Variants in KCND2 observed in about 807,000 individuals in gnomAD.
The protein encoded by KCND2 is potassium voltage-gated channel subfamily D member 2, also known as A-type voltage-gated potassium channel KCND2.
Under a neutral mutation model 54.4 loss-of-function variants are expected in KCND2, and 16 were observed. That is an observed-to-expected ratio of 0.29 (90% CI 0.20 to 0.45). The LOEUF (loss-of-function observed/expected upper bound fraction) is 0.45, where lower values mean the gene tolerates loss of function less well. Among genes scored for constraint, KCND2 ranks in the 20% least tolerant of loss-of-function variants. KCND2 has a pLI of 1.00. For synonymous variants in KCND2, 317 were observed against 310.7 expected, an observed-to-expected ratio of 1.02 and a Z score of -0.21; for missense variants, 486 against 824.2, an observed-to-expected ratio of 0.59 and a Z score of 5.02.
At chr7:120,479,796 C>CAAAAA (rs771337674) in intron 1 of KCND2, among the ~76,000 whole-genome samples, 2 of 75,590 alleles carry the variant, frequency 2.6e-5, no homozygotes, top group Admixed American at 1.5e-4. Flanking sequence ...TACACACACA[C>CAAAAA]AAAAAAAAAA....
intron 1 of KCND2, among the ~76,000 whole-genome samples, chr7:120,658,952 A>C (rs995355848): frequency 6.6e-6 from 1 of 152,210 alleles, no homozygotes; most frequent in Admixed American, 6.5e-5. Context: ...ACTTCCTTCA[A>C]ACTTAAACAC....
intron 1 of KCND2, among the ~76,000 whole-genome samples, chr7:120,608,731 A>G (rs939008714): frequency 6.6e-6 from 1 of 152,142 alleles, no homozygotes; most frequent in Non-Finnish European, 1.5e-5. Context: ...ACAGTTAAAT[A>G]TAGGGTTAAA....
At chr7:120,626,124 T>C (rs1482410460) in intron 1 of KCND2, among the ~76,000 whole-genome samples, 1 of 152,158 alleles carries the variant, frequency 6.6e-6, no homozygotes, top group Admixed American at 6.5e-5. Flanking sequence ...TATTCGATCA[T>C]GTACTTTTCT....
intron 1 of KCND2, among the ~76,000 whole-genome samples, chr7:120,628,356 C>G (rs2116510841): frequency 6.6e-6 from 1 of 152,306 alleles, no homozygotes; most frequent in Non-Finnish European, 1.5e-5. Context: ...CCTCAGTACT[C>G]TTAGTTACTG....
intron 1 of KCND2, among the ~76,000 whole-genome samples, chr7:120,623,022 A>G (rs76343937): frequency 0.049 from 7,483 of 152,260 alleles, 206 homozygotes; most frequent in Non-Finnish European, 0.069. Context: ...ATAGTAATAT[A>G]ATAGACAAGT....
At chr7:120,549,418 G>A (rs902225006) in intron 1 of KCND2, among the ~76,000 whole-genome samples, 3 of 152,106 alleles carry the variant, frequency 2.0e-5, no homozygotes, top group African/African-American at 7.2e-5. Flanking sequence ...GAAAGGTGAA[G>A]AGAGTCATTT....
At chr7:120,413,433 A>T (rs1053616851) in intron 1 of KCND2, among the ~76,000 whole-genome samples, 12 of 151,972 alleles carry the variant, frequency 7.9e-5, no homozygotes, top group African/African-American at 2.7e-4. Flanking sequence ...TATTATTAGA[A>T]AAAAATGTGT....
chr7:120,516,772 CA>C (rs1803202955), intron 1 of KCND2, among the ~76,000 whole-genome samples: 1 of 152,086 alleles, frequency 6.6e-6, no homozygotes, highest in South Asian at 2.1e-4. Flanking sequence ...TATGAAAATA[CA>C]AATACATAAA....
At chr7:120,295,862 A>G (rs1319087399) in intron 1 of KCND2, among the ~76,000 whole-genome samples, 1 of 151,992 alleles carries the variant, frequency 6.6e-6, no homozygotes. Context: ...GTCTGACCCC[A>G]GAATCCCTGC....
intron 1 of KCND2, among the ~76,000 whole-genome samples, chr7:120,617,927 C>A (rs1228300880): frequency 6.6e-6 from 1 of 152,156 alleles, no homozygotes; most frequent in Non-Finnish European, 1.5e-5. Context: ...AAAACTACCG[C>A]ATGTTCTCAC....
intron 1 of KCND2, among the ~76,000 whole-genome samples, chr7:120,582,072 AT>A (rs1792523231): frequency 6.6e-6 from 1 of 152,198 alleles, no homozygotes; most frequent in African/African-American, 2.4e-5. Flanking sequence ...AGTCCTTTTA[AT>A]ATTTAAGGGT....
At chr7:120,493,650 A>T (rs1291166811) in intron 1 of KCND2, among the ~76,000 whole-genome samples, 1 of 152,114 alleles carries the variant, frequency 6.6e-6, no homozygotes, top group Non-Finnish European at 1.5e-5. Context: ...AAGAATACGA[A>T]TTAAGATCAT....
At chr7:120,430,745 A>G (rs1292395685) in intron 1 of KCND2, among the ~76,000 whole-genome samples, 2 of 152,190 alleles carry the variant, frequency 1.3e-5, no homozygotes, top group Non-Finnish European at 2.9e-5. Context: ...TCAAAACAGC[A>G]TATCATAGAA....
At chr7:120,383,112 G>T (rs1460284314) in intron 1 of KCND2, among the ~76,000 whole-genome samples, 1 of 151,958 alleles carries the variant, frequency 6.6e-6, no homozygotes, top group Non-Finnish European at 1.5e-5. Context: ...AAGTTTAGAT[G>T]ATACAAATTG....
intron 1 of KCND2, among the ~76,000 whole-genome samples, chr7:120,531,875 G>C (rs975452948): frequency 1.3e-5 from 2 of 151,992 alleles, no homozygotes; most frequent in African/African-American, 4.8e-5. Context: ...AAGAAATGCT[G>C]TGGTTCTACT....
intron 1 of KCND2, among the ~76,000 whole-genome samples, chr7:120,696,341 C>T (rs1308672328): frequency 6.6e-6 from 1 of 152,194 alleles, no homozygotes; most frequent in Non-Finnish European, 1.5e-5. Context: ...GCCAAGATTA[C>T]TTTAGTCATT....
intron 1 of KCND2, among the ~76,000 whole-genome samples, chr7:120,399,723 TATTTATTTATTTATTC>T (rs1801216922): frequency 6.6e-6 from 1 of 151,544 alleles, no homozygotes; most frequent in South Asian, 2.1e-4. Context: ...TTTATTTATT[TATTTATTTATTTATTC>T]ATTTGAAACA....
At chr7:120,312,517 G>A (rs974116874) in intron 1 of KCND2, among the ~76,000 whole-genome samples, 4 of 152,154 alleles carry the variant, frequency 2.6e-5, no homozygotes, top group East Asian at 3.8e-4. Flanking sequence ...TGCAGCTAGC[G>A]AGTGATTTGT....
chr7:120,640,004 C>T (rs2116528462), intron 1 of KCND2, among the ~76,000 whole-genome samples: 1 of 152,190 alleles, frequency 6.6e-6, no homozygotes, highest in Admixed American at 6.5e-5. Context: ...CCACTTCTGA[C>T]ACATCCATTC....
Sources: gnomAD v4.1 joint callset for allele counts (sites outside exome capture counted in the v4.1 genomes callset) on GRCh38, gnomAD v4.1.1 for gene constraint, MANE v1.5 for transcripts, NCBI Gene and HGNC (gene_info 2026-07-23, HGNC 2026-07-21) for gene names.